Variants in MYO3B observed in about 807,000 individuals in gnomAD.
MYO3B encodes the protein myosin-IIIb.
A neutral mutation model predicts 174.6 loss-of-function variants in MYO3B; 156 were observed. That is an observed-to-expected ratio of 0.89 (90% CI 0.78 to 1.02). The LOEUF (loss-of-function observed/expected upper bound fraction) is 1.02. Ranked by LOEUF, MYO3B falls within the 50% of genes least tolerant of loss-of-function variation. MYO3B has a pLI of 0.00. For synonymous variants in MYO3B, 563 were observed against 569.1 expected (o/e 0.99, Z 0.15); for missense variants, 1,632 against 1,639.4 (o/e 1.00, Z 0.08).
intron 8 of MYO3B, among the ~76,000 whole-genome samples, chr2:170,336,425 T>C (rs573479623): frequency 2.0e-5 from 3 of 152,288 alleles, no homozygotes; most frequent in Non-Finnish European, 2.9e-5. Context: ...AGTGGGTCTT[T>C]TGATCATCTT....
chr2:170,391,471 G>T, intron 14 of MYO3B, 49 bp from the exon 15 acceptor site: 1 of 885,232 alleles, frequency 1.1e-6, no homozygotes, highest in Non-Finnish European at 1.7e-6. Flanking sequence ...AAAATACTTG[G>T]GATGGGGAAG....
intron 30 of MYO3B, among the ~76,000 whole-genome samples, chr2:170,521,138 C>A (rs1045612905): frequency 1.3e-5 from 2 of 152,062 alleles, no homozygotes; most frequent in Admixed American, 6.6e-5. Context: ...TTTGTGAGAT[C>A]GCTTAAGATT....
chr2:170,205,504 T>G (rs2092705123), intron 3 of MYO3B, among the ~76,000 whole-genome samples: 1 of 152,194 alleles, frequency 6.6e-6, no homozygotes, highest in African/African-American at 2.4e-5. Flanking sequence ...ATGAAGGTTC[T>G]GTTGTGCTTT....
intron 8 of MYO3B, 72 bp from the exon 9 acceptor site, chr2:170,369,150 A>G (rs1482662175): frequency 2.9e-6 from 4 of 1,362,538 alleles, no homozygotes; most frequent in East Asian, 2.3e-5. Context: ...CCTTCTCTCC[A>G]TCTCCCATAT....
intron 22 of MYO3B, among the ~76,000 whole-genome samples, 188 bp downstream of exon 22, chr2:170,408,032 G>A (rs1029379062): frequency 2.0e-5 from 3 of 152,356 alleles, no homozygotes; most frequent in East Asian, 1.9e-4. Flanking sequence ...TGCAGCATCC[G>A]TGTGTACACA....
intron 22 of MYO3B, among the ~76,000 whole-genome samples, chr2:170,425,322 A>G (rs566536997): frequency 6.6e-6 from 1 of 152,342 alleles, no homozygotes; most frequent in East Asian, 1.9e-4. Flanking sequence ...TTTGGTGCCA[A>G]CGTGTTGTGT....
At chr2:170,424,725 A>G (rs1277023686) in intron 22 of MYO3B, among the ~76,000 whole-genome samples, 1 of 152,208 alleles carries the variant, frequency 6.6e-6, no homozygotes, top group Non-Finnish European at 1.5e-5. Flanking sequence ...TTCCCCTAAC[A>G]CATTTTAATA....
In MYO3B at chr2:170,209,226, G is replaced by A. The variant is rs111276171; in HGVS notation, c.322-5153G>A. ...CACTGATGCAAACAACTACATTGCT[G>A]TAAGTTAAGAATACTCACAACTAGT... is the stretch of plus-strand genomic sequence containing the variant. On this transcript the variant is annotated intron_variant, in intron 3 of 34. Transcript: ENST00000408978. 7.4e-3 allele frequency among the ~76,000 whole-genome samples: 1,129 copies of A among 152,262 alleles called. 19 individuals are homozygous for A. Among genetic ancestry groups the A allele is most frequent in the African/African-American group, 0.026 (1,062 of 41,554 alleles).
chr2:170,344,063 A>G (rs1325802821), intron 8 of MYO3B: 1 of 152,198 alleles, frequency 6.6e-6, no homozygotes, highest in Non-Finnish European at 1.5e-5. Context: ...CCCACTAAAT[A>G]CGATTTCCAT....
intron 7 of MYO3B, among the ~76,000 whole-genome samples, chr2:170,281,629 C>T (rs942425400): frequency 3.3e-5 from 5 of 152,018 alleles, no homozygotes; most frequent in South Asian, 2.1e-4. Context: ...TAAATGCCCA[C>T]GTCAAAAAGT....
chr2:170,186,250 T>C (rs1273698609), intron 1 of MYO3B, among the ~76,000 whole-genome samples: 1 of 152,192 alleles, frequency 6.6e-6, no homozygotes, highest in Non-Finnish European at 1.5e-5. Context: ...CCATTCAGTA[T>C]GTGGGTCTGT....
chr2:170,588,669 A>G (rs56883494), intron 32 of MYO3B, among the ~76,000 whole-genome samples: 4,446 of 152,224 alleles, frequency 0.029, 221 homozygotes, highest in African/African-American at 0.1. Flanking sequence ...CCTTCCAAAT[A>G]TCACCCCTGA....
intron 25 of MYO3B, 33 bp downstream of exon 25, chr2:170,466,744 T>G: frequency 6.2e-7 from 1 of 1,603,950 alleles, no homozygotes. Context: ...TGCATTCTTA[T>G]AAATGTAGCT....
At chr2:170,214,865 C>A in intron 5 of MYO3B, 37 bp downstream of exon 5, 3 of 1,475,308 alleles carry the variant, frequency 2.0e-6, no homozygotes, top group Non-Finnish European at 2.8e-6. Context: ...TTGACGTGTG[C>A]AGTTTAGCCA....
In MYO3B at chr2:170,653,329, C is replaced by T. The variant is rs958309032; in HGVS notation, c.*208C>T. ...CATGTGTTGTGCAGCCTGAGCTGGG[C>T]GCTGCCTTCCTTTCTCATCCCATGG... On this transcript the variant is annotated 3_prime_UTR_variant, in exon 35 of 35. Coordinates refer to ENST00000408978, the MANE Select transcript of MYO3B (RefSeq NM_138995.5). 2.9e-5 allele frequency: 17 copies of T among 584,724 alleles called. No individual in the cohort carries two copies. Among genetic ancestry groups the T allele is most frequent in the Middle Eastern group, 4.5e-4 (1 of 2,226 alleles). The allele number at this position is 584,724 out of a possible 1,614,324, so 36.2% of individuals were successfully genotyped here. A position where few individuals can be genotyped will look rare whatever the true frequency, so the allele number is the denominator to read the frequency against.
intron 7 of MYO3B, among the ~76,000 whole-genome samples, chr2:170,304,462 C>G (rs1440765807): frequency 7.0e-6 from 1 of 143,158 alleles, no homozygotes; most frequent in South Asian, 2.2e-4. Context: ...TTTCTTTTTT[C>G]TTTTTCTTTT....
At chr2:170,356,504 A>T (rs2094122079) in intron 8 of MYO3B, among the ~76,000 whole-genome samples, 1 of 151,908 alleles carries the variant, frequency 6.6e-6, no homozygotes, top group Non-Finnish European at 1.5e-5. Context: ...CTGGGATTAC[A>T]GGCATCCATC....
chr2:170,566,208 G>A (rs888658006), intron 32 of MYO3B, among the ~76,000 whole-genome samples: 2 of 152,254 alleles, frequency 1.3e-5, no homozygotes, highest in Admixed American at 6.5e-5. Flanking sequence ...TTTAATGTAA[G>A]AAAGCATCTA....
chr2:170,365,171 A>T (rs2094189416), intron 8 of MYO3B, among the ~76,000 whole-genome samples: 1 of 152,182 alleles, frequency 6.6e-6, no homozygotes, highest in Non-Finnish European at 1.5e-5. Context: ...TTTTAACAAC[A>T]CGGAACAAAG....
Sources: gnomAD v4.1 joint callset for allele counts (sites outside exome capture counted in the v4.1 genomes callset) on GRCh38, gnomAD v4.1.1 for gene constraint, MANE v1.5 for transcripts, NCBI Gene and HGNC (gene_info 2026-07-23, HGNC 2026-07-21) for gene names.